Variants in ATP7B observed in about 807,000 individuals in gnomAD.
ATP7B encodes ATPase copper transporting beta.
Under a neutral mutation model 118.9 loss-of-function variants are expected in ATP7B, and 113 were observed. The ratio of observed to expected loss-of-function variants is 0.95; its 90% CI spans 0.82 to 1.11. The LOEUF is 1.11. Ranked by LOEUF, ATP7B falls within the 50% of genes most tolerant of loss-of-function variation. ATP7B has a pLI of 0.00. For synonymous variants in ATP7B, 777 were observed against 727.4 expected (o/e 1.07, Z -1.10); for missense variants, 1,867 against 1,871.4 (o/e 1.00, Z 0.04).
chr13:51,964,141 T>C (rs1169466239), intron 5 of ATP7B, among the ~76,000 whole-genome samples: 1 of 144,432 alleles, frequency 6.9e-6, no homozygotes, highest in Non-Finnish European at 1.5e-5. Flanking sequence ...ACACACACAA[T>C]GAAGAGGAAA....
chr13:51,986,861 T>G (rs186930678), intron 1 of ATP7B, among the ~76,000 whole-genome samples: 54 of 152,030 alleles, frequency 3.6e-4, no homozygotes, highest in Non-Finnish European at 7.2e-4. Context: ...TTCGAAAAAA[T>G]TCAACACCCC....
rs181250704 is a variant in ATP7B, at chr13:51,935,019, G to A, written c.4135C>T (p.Pro1379Ser). Residue 1379 changes from proline (P) to serine (S), a missense_variant, in exon 21 of 21, where the codon CCT becomes TCT. Transcript: ENST00000242839. Reference sequence around the variant, plus strand: ...TGTGCCTCATACCTCTCCAGGTCAGGCTTCTTATAGCTGGAAAGCAGGAAC... The same window carrying A: ...TGTGCCTCATACCTCTCCAGGTCAGACTTCTTATAGCTGGAAAGCAGGAAC... Reference protein sequence around the residue: ...SSLQLKCYKKPDLERYEAQAH... With the variant: ...SSLQLKCYKKSDLERYEAQAH... The A allele has an allele frequency of 1.9e-3, 3,098 of 1,613,790 alleles. 5 individuals carry two copies. The highest frequency in any genetic ancestry group is 2.4e-3 in the Non-Finnish European group (2,830 of 1,180,016).
chr13:52,006,372 G>A lies in ATP7B; in HGVS notation c.51+4915C>T, dbSNP rs1010567891. On this transcript the variant is annotated intron_variant, in intron 1 of 20. Coordinates refer to ENST00000242839, the MANE Select transcript of ATP7B (RefSeq NM_000053.4). ...CTTGCTTAGTTTATTACCCTGCTCCGTAGGTACCAACTGCACTCTGTTGCT... is the reference window on the plus strand; with the variant it reads ...CTTGCTTAGTTTATTACCCTGCTCCATAGGTACCAACTGCACTCTGTTGCT... Among the ~76,000 whole-genome samples, 9 of 152,146 alleles carry A rather than the reference G, an allele frequency of 5.9e-5. No individual in the cohort carries two copies. In the South Asian group the frequency reaches 1.0e-3, roughly 18 times the overall value.
intron 4 of ATP7B, among the ~76,000 whole-genome samples, chr13:51,966,497 G>A (rs1044936136): frequency 5.3e-5 from 8 of 152,328 alleles, no homozygotes; most frequent in African/African-American, 1.7e-4. Context: ...TAAGTGTGAC[G>A]TGCTATTCCT....
intron 9 of ATP7B, among the ~76,000 whole-genome samples, chr13:51,952,042 A>G (rs1958040992): frequency 6.6e-6 from 1 of 152,252 alleles, no homozygotes; most frequent in Non-Finnish European, 1.5e-5. Flanking sequence ...CAACAGCGAA[A>G]GTCACGTTTT....
At chr13:51,976,942 C>G (rs181370827) in intron 1 of ATP7B, among the ~76,000 whole-genome samples, 1 of 151,984 alleles carries the variant, frequency 6.6e-6, no homozygotes, top group African/African-American at 2.4e-5. Context: ...GCACTACTGT[C>G]GATTTTATAA....
rs1373824361 is a variant in ATP7B at position 51,973,834 on chromosome 13, G to C, written c.1285+101C>G. On this transcript the variant is annotated intron_variant, in intron 2 of 20. Coordinates refer to ENST00000242839, the MANE Select transcript of ATP7B (RefSeq NM_000053.4). The stretch of plus-strand genomic sequence containing the variant: ...AGGATTTTGTTCCACTGTTGACATG[G>C]GAGGCAGGGAGCAGGGCTCACCTAT... 50 of 1,537,548 alleles carry C rather than the reference G, an allele frequency of 3.3e-5. 1 individual carries two copies. In the Admixed American group the frequency reaches 8.4e-4, roughly 26 times the overall value.
intron 1 of ATP7B, among the ~76,000 whole-genome samples, chr13:51,978,106 G>C (rs960867793): frequency 9.9e-5 from 15 of 151,862 alleles, no homozygotes; most frequent in Non-Finnish European, 2.1e-4. Flanking sequence ...CAACAAACCA[G>C]AACAAAACCA....
chr13:51,981,947 C>T (rs141801607), intron 1 of ATP7B, among the ~76,000 whole-genome samples: 31 of 151,992 alleles, frequency 2.0e-4, no homozygotes, highest in African/African-American at 6.8e-4. Context: ...GCTTTGAATA[C>T]GGCCCAACAC....
chr13:51,946,336 G>C lies in ATP7B; in HGVS notation c.3008C>G (p.Ala1003Gly). ...TCCCTTGATGAGGATGCCGTTCTGC[G>C]CGGCCACCCCGGTGCCCACCATGAC... Reference protein sequence around the residue: ...TAVMVGTGVAAQNGILIKGGK... With the variant: ...TAVMVGTGVAGQNGILIKGGK... The change falls in exon 13 of 21, where the codon GCG becomes GGG. Residue 1003 changes from alanine to glycine, a missense_variant. By Grantham distance (60) the Ala-to-Gly change is moderately conservative. Coordinates refer to ENST00000242839, the MANE Select transcript of ATP7B (RefSeq NM_000053.4). 6.2e-7 allele frequency: 1 copy of C among 1,609,158 alleles called. No homozygotes were observed. Among genetic ancestry groups the C allele is most frequent in the Non-Finnish European group, 8.5e-7 (1 of 1,178,234 alleles).
At chr13:51,941,334 G>A (rs907347705) in intron 15 of ATP7B, 110 bp from the exon 16 acceptor site, 43 of 1,350,614 alleles carry the variant, frequency 3.2e-5, no homozygotes, top group Non-Finnish European at 3.9e-5. Context: ...CTGAAAAACT[G>A]TAACCTTGTA....
chr13:51,955,891 G>T (rs1958311738), intron 9 of ATP7B, among the ~76,000 whole-genome samples: 1 of 152,210 alleles, frequency 6.6e-6, no homozygotes, highest in Admixed American at 6.5e-5. Flanking sequence ...GGGCAGCGCA[G>T]CACAGTGGCT....
At chr13:52,011,655 A>G (rs1033635445), upstream of ATP7B, among the ~76,000 whole-genome samples, 2 of 151,776 alleles carry the variant, frequency 1.3e-5, no homozygotes, top group Non-Finnish European at 2.9e-5. Flanking sequence ...GGGAGTGCCC[A>G]CCCTGGAACT....
Position 51,970,529 on chromosome 13 carries a change from A to G in ATP7B, c.1506T>C (p.Cys502=). The change falls in exon 3 of 21, where the codon TGT becomes TGC. Residue 502 remains cysteine, a synonymous_variant. Coordinates refer to ENST00000242839, the MANE Select transcript of ATP7B (RefSeq NM_000053.4). ...LQIKGMTCAS[C]VSNIERNLQK... is the part of the protein sequence containing the mutation. ...GCAGATTCCTTTCTATGTTAGACAC[A>G]CAGGATGCACAGGTCATGCCTTTGA... The G allele has an allele frequency of 6.2e-7, 1 of 1,614,126 alleles. No homozygotes were observed. Among genetic ancestry groups the G allele is most frequent in the Non-Finnish European group, 8.5e-7 (1 of 1,180,018 alleles).
chr13:51,935,818 A>G (rs997376176), intron 19 of ATP7B, 123 bp from the exon 20 acceptor site: 2 of 798,802 alleles, frequency 2.5e-6, no homozygotes, highest in Non-Finnish European at 4.0e-6. Flanking sequence ...GCGTGCTCAG[A>G]AGCCCCTGCC....
In ATP7B at chr13:51,942,420, G is replaced by A. The variant is rs2138847458; in HGVS notation, c.3378C>T (p.His1126=). 1.9e-6 allele frequency: 3 copies of A among 1,614,234 alleles called. No homozygotes were observed. Among genetic ancestry groups the A allele is most frequent in the Non-Finnish European group, 2.5e-6 (3 of 1,180,048 alleles). ...CGGGAAGGCTGCCAGCCTCATTCAG[G>A]TGACTGGCCGGTGCACTCAAAGGGC... The part of the protein sequence containing the change: ...SERPLSAPAS[H]LNEAGSLPAE... The change falls in exon 15 of 21, where the codon CAC becomes CAT. Residue 1126 remains histidine, a synonymous_variant. Transcript: ENST00000242839.
intron 1 of ATP7B, among the ~76,000 whole-genome samples, chr13:51,990,423 G>A (rs9535824): frequency 0.59 from 89,661 of 151,940 alleles, 28,329 homozygotes; most frequent in Non-Finnish European, 0.71. Context: ...CTATGTCATG[G>A]TTTTTTAAAA....
Position 51,933,663 on chromosome 13 carries a change from C to T in ATP7B, c.*1093G>A, listed in dbSNP as rs1566422374. 6.6e-6 allele frequency: 1 copy of T among 152,218 alleles called. No homozygotes were observed. Among genetic ancestry groups the T allele is most frequent in the Non-Finnish European group, 1.5e-5 (1 of 68,082 alleles). The allele number at this position is 152,218 out of a possible 1,614,324, so 9.4% of individuals were successfully genotyped here. A position where few individuals can be genotyped will look rare whatever the true frequency, so the allele number is the denominator to read the frequency against. ...CGTGCAGAATGCAGGCTCAGGGAGG[C>T]TGTGTTTTCCTCCTATTTGGGCAGT... On this transcript the variant is annotated 3_prime_UTR_variant, in exon 21 of 21. Coordinates refer to ENST00000242839, the MANE Select transcript of ATP7B (RefSeq NM_000053.4).
At chr13:51,958,268 T>C (rs747691508) in intron 8 of ATP7B, 43 bp downstream of exon 8, 7 of 1,588,700 alleles carry the variant, frequency 4.4e-6, no homozygotes, top group African/African-American at 1.3e-5. Flanking sequence ...GAGATTTGTT[T>C]ACTGAAGGAG....
Sources: allele counts gnomAD v4.1 joint callset (sites outside exome capture counted in the v4.1 genomes callset), GRCh38; gene constraint gnomAD v4.1.1; transcripts MANE v1.5; gene names NCBI Gene and HGNC (gene_info 2026-07-23, HGNC 2026-07-21).